CAMK4: variants seen among roughly 807,000 people sequenced by gnomAD.
CAMK4 encodes the protein calcium/calmodulin-dependent protein kinase type IV.
In CAMK4, 22 loss-of-function variants were observed where a neutral mutation model predicts 44.9. The observed-to-expected ratio is 0.49, with a 90% CI of 0.35 to 0.70. The LOEUF is 0.70. Ranked by LOEUF, CAMK4 falls within the 30% of genes least tolerant of loss-of-function variation. The pLI, the probability that CAMK4 is intolerant of heterozygous loss-of-function variation, is 0.01. For synonymous variants in CAMK4, 218 were observed against 215.4 expected (o/e 1.01, Z -0.11); for missense variants, 498 against 586.8 (o/e 0.85, Z 1.56).
chr5:111,372,720 A>G (rs565165193), intron 2 of CAMK4, among the ~76,000 whole-genome samples: 1 of 152,270 alleles, frequency 6.6e-6, no homozygotes, highest in South Asian at 2.1e-4. Flanking sequence ...CATGGTCTGA[A>G]TCATGCAGAG....
intron 7 of CAMK4, among the ~76,000 whole-genome samples, chr5:111,457,675 A>G (rs1408214738): frequency 6.6e-6 from 1 of 152,252 alleles, no homozygotes; most frequent in Non-Finnish European, 1.5e-5. Context: ...TAACATGAAC[A>G]CATATGAAAA....
intron 1 of CAMK4, among the ~76,000 whole-genome samples, chr5:111,251,690 T>G (rs1178179057): frequency 1.3e-5 from 2 of 152,220 alleles, no homozygotes; most frequent in Non-Finnish European, 2.9e-5. Flanking sequence ...CTCCTTAGTC[T>G]TTCCCTCCCT....
chr5:111,368,418 C>G (rs1750877980), intron 2 of CAMK4, among the ~76,000 whole-genome samples: 1 of 152,126 alleles, frequency 6.6e-6, no homozygotes, highest in African/African-American at 2.4e-5. Context: ...GAGGAAAACA[C>G]CAACTTCTGT....
In CAMK4 at chr5:111,260,329, A is replaced by G. The variant is rs533453753; in HGVS notation, c.161+35685A>G. ...ATCTTTCTGGCATTTCATAGTCTTC[A>G]TTATACAAACCTTCTGAAATTCATT... On this transcript the variant is annotated intron_variant, in intron 1 of 10. Coordinates refer to ENST00000282356, the MANE Select transcript of CAMK4 (RefSeq NM_001744.6). 4.6e-5 allele frequency among the ~76,000 whole-genome samples: 7 copies of G among 152,270 alleles called. No individual in the cohort carries two copies. In the East Asian group the frequency reaches 1.4e-3, roughly 29 times the overall value.
At position 111,484,110 on chromosome 5, in the gene CAMK4, A is replaced by G. The variant is rs1755526856; in HGVS notation, c.1066A>G (p.Ser356Gly). The G allele has an allele frequency of 6.2e-7, 1 of 1,614,032 alleles. No homozygotes were observed. The highest frequency in any genetic ancestry group is 1.3e-5 in the African/African-American group (1 of 74,944). ...CAGCATCCAGGAGAGCCACAAGGCT[A>G]GCCGAGACCCTTCTCCAATCCAAGA... is the stretch of plus-strand genomic sequence containing the variant. ...HGSIQESHKA[S>G]RDPSPIQDGN... Residue 356 changes from serine to glycine, a missense_variant, in exon 11 of 11, where the codon AGC (serine) becomes GGC (glycine). Around this residue, in one of 3 missense-constraint regions of CAMK4, gnomAD observed 143 missense variants for 144.9 expected, o/e 0.99. Transcript: ENST00000282356. This position sits in a 1 kb window ranked among gnomAD's most constrained non-coding sequence, Gnocchi z 5.3.
chr5:111,245,355 T>G (rs1197647250), intron 1 of CAMK4, among the ~76,000 whole-genome samples: 1 of 152,226 alleles, frequency 6.6e-6, no homozygotes, highest in Non-Finnish European at 1.5e-5. Flanking sequence ...AAAATTATTT[T>G]AATTTATTGT....
In CAMK4 at chr5:111,456,676, G is replaced by A. The variant is rs574526774; in HGVS notation, c.625+7473G>A. ...TAATAGGGTAAACCATTAAAAAAAA[G>A]GTAGAGAAAAGAAATGGAATCTTTT... On this transcript the variant is annotated intron_variant, in intron 7 of 10. Transcript: ENST00000282356. Among the ~76,000 whole-genome samples the A allele has an allele frequency of 1.3e-3, 189 of 141,384 alleles. 5 individuals carry two copies. In the East Asian group the frequency reaches 0.035, roughly 26 times the overall value. 92.8% of individuals were successfully genotyped at this position (141,384 alleles called of 152,430 possible).
intron 1 of CAMK4, among the ~76,000 whole-genome samples, chr5:111,338,899 G>A (rs1385423911): frequency 6.6e-6 from 1 of 151,324 alleles, no homozygotes; most frequent in African/African-American, 2.4e-5. Flanking sequence ...GTAATGTGAT[G>A]CCTCCGGCTT....
chr5:111,464,900 A>T (rs908568965), intron 7 of CAMK4, among the ~76,000 whole-genome samples: 1 of 152,288 alleles, frequency 6.6e-6, no homozygotes, highest in Admixed American at 6.5e-5. Context: ...ACTTAACAGG[A>T]GTCTTCCTTC....
At chr5:111,483,058 C>G in intron 10 of CAMK4, 121 bp downstream of exon 10, 2 of 831,958 alleles carry the variant, frequency 2.4e-6, no homozygotes, top group South Asian at 3.6e-5. Context: ...CTTAAGGCAC[C>G]AGGGAAAATC....
chr5:111,453,021 G>T (rs898682528), intron 7 of CAMK4, among the ~76,000 whole-genome samples: 2 of 152,124 alleles, frequency 1.3e-5, no homozygotes, highest in African/African-American at 4.8e-5. Context: ...ATATAGGCGG[G>T]GGCAGTCTTG....
chr5:111,427,486 A>G (rs1252120112), intron 5 of CAMK4, among the ~76,000 whole-genome samples: 2 of 152,102 alleles, frequency 1.3e-5, no homozygotes, highest in African/African-American at 4.8e-5. Context: ...TTGGGTGGCA[A>G]TTTTGGACCC....
chr5:111,230,005 G>A (rs1043768520), intron 1 of CAMK4, among the ~76,000 whole-genome samples: 1 of 152,128 alleles, frequency 6.6e-6, no homozygotes, highest in African/African-American at 2.4e-5. Context: ...TTTAAAGAGG[G>A]TGAATCAATG....
chr5:111,471,027 G>T (rs779803405), intron 7 of CAMK4, among the ~76,000 whole-genome samples: 2 of 152,174 alleles, frequency 1.3e-5, no homozygotes, highest in Non-Finnish European at 2.9e-5. Flanking sequence ...TCCACCTCTT[G>T]GTAGCCATTG....
chr5:111,291,604 G>A (rs1747261629), intron 1 of CAMK4, among the ~76,000 whole-genome samples: 1 of 152,144 alleles, frequency 6.6e-6, no homozygotes, highest in African/African-American at 2.4e-5. Context: ...CTGCAGCCTT[G>A]ACCTCCTGGG....
intron 2 of CAMK4, 144 bp downstream of exon 2, chr5:111,344,246 A>G (rs558925369): frequency 3.9e-6 from 2 of 506,580 alleles, no homozygotes; most frequent in South Asian, 5.9e-5. Flanking sequence ...TGCAACCCAA[A>G]TAGGTTGTTG....
At position 111,494,181 on chromosome 5, in the gene CAMK4, G is replaced by A. The variant is rs1201730280; in HGVS notation, c.*9715G>A. On this transcript the variant is annotated 3_prime_UTR_variant, in exon 11 of 11. Coordinates refer to ENST00000282356, the MANE Select transcript of CAMK4 (RefSeq NM_001744.6). ...ACATCTCCAATAGTTTAGGCTGCAA[G>A]TCAGTAGCCAAACACAAGAGCATGT... 1 of 152,196 alleles carries A rather than the reference G, an allele frequency of 6.6e-6. No homozygotes were observed. The highest frequency in any genetic ancestry group is 6.5e-5 in the Admixed American group (1 of 15,276). 9.4% of individuals were successfully genotyped at this position (152,196 alleles called of 1,614,324 possible).
chr5:111,428,368 A>ATC (rs1409296549), intron 5 of CAMK4, among the ~76,000 whole-genome samples: 1 of 152,240 alleles, frequency 6.6e-6, no homozygotes, highest in Non-Finnish European at 1.5e-5. Flanking sequence ...GGAAAACATG[A>ATC]TCTTACCAAA....
chr5:111,246,611 G>A (rs1268270920), intron 1 of CAMK4, among the ~76,000 whole-genome samples: 1 of 152,094 alleles, frequency 6.6e-6, no homozygotes, highest in African/African-American at 2.4e-5. Flanking sequence ...CAGCATTTAA[G>A]TCCTCCTACT....
Sources: gnomAD v4.1 joint callset for allele counts (sites outside exome capture counted in the v4.1 genomes callset) on GRCh38, gnomAD v4.1.1 for gene constraint, gnomAD v4.1.1 regional missense constraint, Gnocchi (gnomAD v3.1) non-coding constraint, MANE v1.5 for transcripts, NCBI Gene and HGNC (gene_info 2026-07-23, HGNC 2026-07-21) for gene names.